The following HMOX2 variants were observed in gnomAD, a reference collection of about 807,000 sequenced individuals.
HMOX2 encodes the protein heme oxygenase (decycling) 2.
Under a neutral mutation model 33.7 loss-of-function variants are expected in HMOX2, and 30 were observed. The ratio of observed to expected loss-of-function variants is 0.89; its 90% confidence interval spans 0.67 to 1.21. The LOEUF (loss-of-function observed/expected upper bound fraction) is 1.21, where lower values mean the gene tolerates loss of function less well. Among genes scored for constraint, HMOX2 ranks in the 50% most tolerant of loss-of-function variants. HMOX2 has a pLI of 0.00. For synonymous variants in HMOX2, 155 were observed against 155.0 expected (o/e 1.00, Z 0.00); for missense variants, 403 against 399.1 (o/e 1.01, Z -0.08).
chr16:4,486,464 C>G (rs1387410654), intron 1 of HMOX2, among the ~76,000 whole-genome samples: 6 of 152,230 alleles, frequency 3.9e-5, no homozygotes, highest in Non-Finnish European at 8.8e-5. Flanking sequence ...TAGAGTATGT[C>G]TGTCCCTAAT....
At chr16:4,480,034 C>A (rs34970627) in intron 1 of HMOX2, among the ~76,000 whole-genome samples, 1 of 150,568 alleles carries the variant, frequency 6.6e-6, no homozygotes, top group African/African-American at 2.4e-5. Flanking sequence ...TCGCTGCGCC[C>A]GGCTTTTTTA....
rs200093650 is a variant in HMOX2 at position 4,507,917 on chromosome 16, C to T, written c.409C>T (p.Arg137Trp). ...CAAGGCTGCCCAGAAGTACGTGGAG[C>T]GGATCCACTACATAGGGCAGAACGA... ...CPKAAQKYVERIHYIGQNEPE... is the reference protein window; with the variant it reads ...CPKAAQKYVEWIHYIGQNEPE... The change falls in exon 4 of 6, where the codon CGG becomes TGG. Residue 137 changes from arginine (R) to tryptophan (W), a missense_variant. By Grantham distance (101) the Arg-to-Trp change is moderately radical. Coordinates refer to ENST00000570646, the MANE Select transcript of HMOX2 (RefSeq NM_002134.4). The T allele has an allele frequency of 1.4e-5, 23 of 1,613,874 alleles. No homozygotes were observed. The East Asian group carries it at 2.5e-4, about 17-fold the overall frequency.
At chr16:4,494,317 A>C (rs1253350063) in intron 1 of HMOX2, among the ~76,000 whole-genome samples, 1 of 146,942 alleles carries the variant, frequency 6.8e-6, no homozygotes, top group Non-Finnish European at 1.5e-5. Context: ...CTCTGCCACA[A>C]AAAAAAAAAA....
At chr16:4,479,657 A>G (rs929011797) in intron 1 of HMOX2, 8 of 151,876 alleles carry the variant, frequency 5.3e-5, no homozygotes, top group Non-Finnish European at 4.4e-5. Context: ...CAGTAACTTT[A>G]AAAAGGCTGT....
chr16:4,477,497 TAAAAAAAAAAA>T (rs35695989), intron 1 of HMOX2, among the ~76,000 whole-genome samples: 1 of 72,654 alleles, frequency 1.4e-5, no homozygotes, highest in Non-Finnish European at 2.6e-5. Context: ...AGACTCCATC[TAAAAAAAAAAA>T]AAAAAAAAAA....
intron 1 of HMOX2, among the ~76,000 whole-genome samples, chr16:4,487,409 A>G (rs996914304): frequency 1.3e-5 from 2 of 151,502 alleles, no homozygotes; most frequent in African/African-American, 4.9e-5. Context: ...AGCGGCTCAT[A>G]CCTGTAATCC....
intron 1 of HMOX2, among the ~76,000 whole-genome samples, chr16:4,481,238 ACT>A (rs1032275510): frequency 1.5e-4 from 22 of 151,096 alleles, no homozygotes; most frequent in Non-Finnish European, 2.9e-4. Flanking sequence ...AGTCCCGGCT[ACT>A]CGGGAGGCTG....
chr16:4,480,154 TCTC>T (rs1157338601), intron 1 of HMOX2, among the ~76,000 whole-genome samples: 1 of 151,872 alleles, frequency 6.6e-6, no homozygotes, highest in East Asian at 1.9e-4. Flanking sequence ...TTCAAGCAGT[TCTC>T]CTGCCTCAGC....
chr16:4,504,600 T>G (rs2058642440), intron 1 of HMOX2, among the ~76,000 whole-genome samples: 1 of 151,436 alleles, frequency 6.6e-6, no homozygotes, highest in African/African-American at 2.4e-5. Flanking sequence ...CCTCAGGTGA[T>G]CCACCCACCT....
At chr16:4,505,040 C>G (rs1324590842) in intron 1 of HMOX2, among the ~76,000 whole-genome samples, 1 of 152,134 alleles carries the variant, frequency 6.6e-6, no homozygotes, top group Non-Finnish European at 1.5e-5. Flanking sequence ...TACCTCTTCC[C>G]CAGATTCACT....
At position 4,508,051 on chromosome 16, in the gene HMOX2, G is replaced by T. The variant is rs200491627; in HGVS notation, c.543G>T (p.Gly181=). 1.2e-6 allele frequency: 2 copies of T among 1,614,144 alleles called. No homozygotes were observed. Among genetic ancestry groups the T allele is most frequent in the Non-Finnish European group, 1.7e-6 (2 of 1,180,036 alleles). The change falls in exon 4 of 6, where the codon GGG becomes GGT. Residue 181 remains glycine, a synonymous_variant. Coordinates refer to ENST00000570646, the MANE Select transcript of HMOX2 (RefSeq NM_002134.4). ...GAGCACTGAAACTCCCCAGCACAGG[G>T]GAAGGGACCCAGTTCTACCTGTTTG... ...AQRALKLPST[G]EGTQFYLFEN...
chr16:4,496,897 A>G (rs1051075798), intron 1 of HMOX2: 3 of 150,732 alleles, frequency 2.0e-5, no homozygotes, highest in African/African-American at 7.4e-5. Flanking sequence ...GGGTCTCACT[A>G]TGTTTCCTAG....
intron 1 of HMOX2, among the ~76,000 whole-genome samples, chr16:4,504,354 A>ATTTTTT (rs34314976): frequency 5.5e-5 from 4 of 72,866 alleles, no homozygotes; most frequent in African/African-American, 1.1e-4. Flanking sequence ...GTAACTTTCA[A>ATTTTTT]TTTTTTTTTT....
rs1381409376 is a variant in HMOX2 at position 4,501,862 on chromosome 16, C to G, written c.-41-3622C>G. Among the ~76,000 whole-genome samples the G allele has an allele frequency of 2.0e-5, 3 of 152,272 alleles. No individual in the cohort carries two copies. In the East Asian group the frequency reaches 5.8e-4, roughly 29 times the overall value. On this transcript the variant is annotated intron_variant, in intron 1 of 5. Coordinates refer to ENST00000570646, the MANE Select transcript of HMOX2 (RefSeq NM_002134.4). ...GGCCACAGGGTCGCCTCCCCTGGCC[C>G]CAGTCTGTGGGTTGAATATGCTAAC...
chr16:4,490,197 A>T (rs921973573), intron 1 of HMOX2, among the ~76,000 whole-genome samples: 1 of 152,168 alleles, frequency 6.6e-6, no homozygotes, highest in Non-Finnish European at 1.5e-5. Context: ...ATTATCACTT[A>T]TGTTGTTTTT....
At chr16:4,506,215 T>C (rs540147722) in intron 2 of HMOX2, among the ~76,000 whole-genome samples, 2 of 152,352 alleles carry the variant, frequency 1.3e-5, no homozygotes, top group East Asian at 1.9e-4. Flanking sequence ...AGATGGATTG[T>C]GTGGACACAT....
chr16:4,486,192 A>G (rs1437388389), intron 1 of HMOX2, among the ~76,000 whole-genome samples: 1 of 152,238 alleles, frequency 6.6e-6, no homozygotes, highest in African/African-American at 2.4e-5. Context: ...TCAAACACAA[A>G]TTGTGTTCAA....
At chr16:4,504,552 G>T (rs2058641011) in intron 1 of HMOX2, among the ~76,000 whole-genome samples, 1 of 151,222 alleles carries the variant, frequency 6.6e-6, no homozygotes, top group African/African-American at 2.4e-5. Context: ...TAGAAACAGG[G>T]TTTCTCCATG....
In HMOX2 at chr16:4,507,955, G is replaced by C. The variant is rs1488698482; in HGVS notation, c.447G>C (p.Leu149=). The C allele has an allele frequency of 6.2e-7, 1 of 1,613,998 alleles. No individual in the cohort carries two copies. Among genetic ancestry groups the C allele is most frequent in the African/African-American group, 1.3e-5 (1 of 75,010 alleles). Residue 149 remains leucine (L), a synonymous_variant, in exon 4 of 6, where the codon CTG becomes CTC. Transcript: ENST00000570646. ...HYIGQNEPEL[L]VAHAYTRYMG... ...TAGGGCAGAACGAGCCGGAGCTACT[G>C]GTGGCCCATGCATACACCCGCTACA...
Sources: allele counts gnomAD v4.1 joint callset (sites outside exome capture counted in the v4.1 genomes callset), GRCh38; gene constraint gnomAD v4.1.1; transcripts MANE v1.5; gene names NCBI Gene and HGNC (gene_info 2026-07-23, HGNC 2026-07-21).